The following RABEP1 variants were observed in gnomAD, a reference collection of about 807,000 sequenced individuals.
The protein encoded by RABEP1 is rab GTPase-binding effector protein 1.
A neutral mutation model predicts 123.4 loss-of-function variants in RABEP1; 51 were observed. That is an observed-to-expected ratio of 0.41 (90% CI 0.33 to 0.52). The LOEUF (loss-of-function observed/expected upper bound fraction) is 0.52. Among genes scored for constraint, RABEP1 ranks in the 20% least tolerant of loss-of-function variants. The pLI is 0.16. For missense variants in RABEP1, 888 were observed against 996.3 expected (o/e 0.89, Z 1.46); for synonymous variants, 347 against 355.2 (o/e 0.98, Z 0.26).
intron 2 of RABEP1, among the ~76,000 whole-genome samples, chr17:5,325,894 G>A (rs1184114794): frequency 3.9e-5 from 6 of 152,120 alleles, no homozygotes; most frequent in Admixed American, 6.6e-5. Flanking sequence ...ATGGGCAGAA[G>A]ACCCAAACAC....
intron 8 of RABEP1, among the ~76,000 whole-genome samples, chr17:5,356,356 A>G (rs1597380200): frequency 6.6e-6 from 1 of 152,176 alleles, no homozygotes; most frequent in Admixed American, 6.5e-5. Flanking sequence ...CCTGTCTCAC[A>G]CACACAAAAG....
chr17:5,377,004 T>C, intron 13 of RABEP1, 112 bp from the exon 14 acceptor site: 1 of 1,161,344 alleles, frequency 8.6e-7, no homozygotes, highest in Non-Finnish European at 1.2e-6. Context: ...GTCAAAGTCT[T>C]AATTTTTGAA....
intron 6 of RABEP1, among the ~76,000 whole-genome samples, chr17:5,349,113 C>T (rs2144643636): frequency 6.6e-6 from 1 of 152,276 alleles, no homozygotes; most frequent in African/African-American, 2.4e-5. Flanking sequence ...CTATTCTGGA[C>T]TTTGATGTGA....
intron 10 of RABEP1, among the ~76,000 whole-genome samples, chr17:5,364,099 G>A (rs1909808467): frequency 1.3e-5 from 2 of 152,142 alleles, no homozygotes; most frequent in African/African-American, 4.8e-5. Flanking sequence ...TGTGCTTTAC[G>A]CATAGATGTT....
At chr17:5,373,048 A>G (rs1397307539) in intron 12 of RABEP1, among the ~76,000 whole-genome samples, 4 of 152,164 alleles carry the variant, frequency 2.6e-5, no homozygotes, top group Admixed American at 6.5e-5. Flanking sequence ...GTGAGCCACC[A>G]CACCCAACCA....
intron 1 of RABEP1, among the ~76,000 whole-genome samples, chr17:5,294,633 C>CTTTTTTT (rs1185209680): frequency 0.03 from 1,576 of 52,976 alleles, 474 homozygotes; most frequent in Non-Finnish European, 0.04. Flanking sequence ...ACGGTATTGT[C>CTTTTTTT]TTTTTTTTTT....
chr17:5,340,492 T>C (rs1350650515), intron 5 of RABEP1, among the ~76,000 whole-genome samples: 1 of 152,124 alleles, frequency 6.6e-6, no homozygotes, highest in African/African-American at 2.4e-5. Context: ...TATCTTAGAA[T>C]TGAGGTTACA....
At chr17:5,376,757 T>C (rs529516942) in intron 13 of RABEP1, among the ~76,000 whole-genome samples, 1 of 152,346 alleles carries the variant, frequency 6.6e-6, no homozygotes, top group South Asian at 2.1e-4. Flanking sequence ...CAGTTTTGTC[T>C]TCATTTCCTA....
chr17:5,294,212 C>T (rs1371679177), intron 1 of RABEP1, among the ~76,000 whole-genome samples: 1 of 151,984 alleles, frequency 6.6e-6, no homozygotes, highest in East Asian at 1.9e-4. Context: ...TCTGACAAAC[C>T]CTGTCTACTA....
chr17:5,359,228 C>T (rs1174482279), intron 8 of RABEP1, among the ~76,000 whole-genome samples: 1 of 152,044 alleles, frequency 6.6e-6, no homozygotes, highest in Non-Finnish European at 1.5e-5. Context: ...CACCTGCCAC[C>T]ACGCCTGGCT....
chr17:5,343,868 G>A (rs972501585), intron 5 of RABEP1, among the ~76,000 whole-genome samples: 57 of 151,538 alleles, frequency 3.8e-4, no homozygotes, highest in Admixed American at 2.1e-3. Context: ...TAGAGACGGG[G>A]TTTTGTCATG....
intron 6 of RABEP1, among the ~76,000 whole-genome samples, chr17:5,350,152 G>A (rs1490369699): frequency 6.6e-6 from 1 of 152,092 alleles, no homozygotes; most frequent in Non-Finnish European, 1.5e-5. Context: ...AGGCCGAGAC[G>A]GGCGGATCAT....
chr17:5,371,066 A>G (rs958327900), intron 12 of RABEP1, among the ~76,000 whole-genome samples: 1 of 151,676 alleles, frequency 6.6e-6, no homozygotes, highest in Non-Finnish European at 1.5e-5. Flanking sequence ...TCCCGGGCTC[A>G]CGCCATTCTC....
intron 8 of RABEP1, among the ~76,000 whole-genome samples, chr17:5,360,555 C>T (rs1272262765): frequency 1.3e-5 from 2 of 152,232 alleles, no homozygotes; most frequent in African/African-American, 4.8e-5. Context: ...GAGCGAGACT[C>T]CGTCTCAGAA....
intron 13 of RABEP1, among the ~76,000 whole-genome samples, chr17:5,375,099 C>CTT (rs529411322): frequency 2.7e-4 from 34 of 125,836 alleles, no homozygotes; most frequent in Middle Eastern, 4.1e-3. Flanking sequence ...ATACCTGTTT[C>CTT]TTTTTTTTTT....
chr17:5,307,516 A>G (rs1315656167), intron 1 of RABEP1, among the ~76,000 whole-genome samples: 1 of 152,228 alleles, frequency 6.6e-6, no homozygotes, highest in Non-Finnish European at 1.5e-5. Context: ...ATCTGGAGTG[A>G]CTTGCAGTAG....
intron 10 of RABEP1, among the ~76,000 whole-genome samples, 170 bp downstream of exon 10, chr17:5,363,186 G>T (rs1909708199): frequency 6.6e-6 from 1 of 151,234 alleles, no homozygotes; most frequent in African/African-American, 2.4e-5. Context: ...TCCAGTGGGA[G>T]CTCACTAGGA....
At chr17:5,378,286 C>T in intron 15 of RABEP1, 54 bp downstream of exon 15, 1 of 1,425,408 alleles carries the variant, frequency 7.0e-7, no homozygotes, top group Middle Eastern at 1.7e-4. Context: ...TATTTACTGA[C>T]TCCTACTATG....
At chr17:5,308,372 C>T (rs1292295777) in intron 1 of RABEP1, among the ~76,000 whole-genome samples, 1 of 151,966 alleles carries the variant, frequency 6.6e-6, no homozygotes, top group Admixed American at 6.6e-5. Context: ...ATTACAGGCA[C>T]CTGCCACTAC....
Sources: gnomAD v4.1 joint callset for allele counts (sites outside exome capture counted in the v4.1 genomes callset) on GRCh38, gnomAD v4.1.1 for gene constraint, MANE v1.5 for transcripts, NCBI Gene and HGNC (gene_info 2026-07-23, HGNC 2026-07-21) for gene names.